Variants in ALK observed in about 807,000 individuals in gnomAD.
The protein encoded by ALK is ALK receptor tyrosine kinase, also known as ALK tyrosine kinase receptor.
ALK carries 74 observed loss-of-function variants against 163.1 expected under a neutral mutation model. The ratio of observed to expected loss-of-function variants is 0.45; its 90% confidence interval spans 0.38 to 0.55. The LOEUF (loss-of-function observed/expected upper bound fraction) is 0.55, where lower values mean the gene tolerates loss of function less well. Ranked by LOEUF, ALK falls within the 20% of genes least tolerant of loss-of-function variation. The pLI, the probability that ALK is intolerant of heterozygous loss-of-function variation, is 0.00. For synonymous variants in ALK, 960 were observed against 843.2 expected (o/e 1.14, Z -2.40); for missense variants, 2,063 against 2,105.3 (o/e 0.98, Z 0.39).
intron 4 of ALK, among the ~76,000 whole-genome samples, chr2:29,386,438 T>C (rs1669033201): frequency 1.3e-5 from 2 of 152,318 alleles, no homozygotes; most frequent in Middle Eastern, 3.4e-3. Context: ...AAACAAGTGG[T>C]TCTTAAGGAG....
At chr2:29,823,865 T>A (rs1665119986) in intron 1 of ALK, among the ~76,000 whole-genome samples, 1 of 152,230 alleles carries the variant, frequency 6.6e-6, no homozygotes, top group African/African-American at 2.4e-5. Flanking sequence ...GAAATTTGCA[T>A]AAGTAATAAG....
intron 4 of ALK, among the ~76,000 whole-genome samples, chr2:29,528,714 G>A (rs1392811061): frequency 6.6e-6 from 1 of 152,124 alleles, no homozygotes; most frequent in Non-Finnish European, 1.5e-5. Context: ...CACTGTGCGA[G>A]CCATTTTCCA....
intron 3 of ALK, among the ~76,000 whole-genome samples, chr2:29,638,680 C>G (rs944322875): frequency 3.3e-5 from 5 of 152,124 alleles, no homozygotes; most frequent in Non-Finnish European, 5.9e-5. Flanking sequence ...CATGGAGTGG[C>G]CTGTTTCTTG....
At position 29,211,661 on chromosome 2, in the gene ALK, G is replaced by C. The variant is rs112701391; in HGVS notation, c.3744-1783C>G. On this transcript the variant is annotated intron_variant, in intron 24 of 28. Coordinates refer to ENST00000389048, the MANE Select transcript of ALK (RefSeq NM_004304.5). ...ATCTTAAGAGCAGATAAAGGGTGGA[G>C]GGAGAGAGAGAATTCGAGGCAACTC... is the stretch of plus-strand genomic sequence containing the variant. Among the ~76,000 whole-genome samples, 360 of 152,360 alleles carry C rather than the reference G, an allele frequency of 2.4e-3. 2 individuals carry two copies. The highest frequency in any genetic ancestry group is 8.4e-3 in the African/African-American group (350 of 41,578).
chr2:29,883,255 A>G (rs2148419797), intron 1 of ALK, among the ~76,000 whole-genome samples: 1 of 152,354 alleles, frequency 6.6e-6, no homozygotes, highest in African/African-American at 2.4e-5. Context: ...CCAGCAACCA[A>G]GCCTGTGCTA....
chr2:29,204,253 T>A (rs1351172644), intron 26 of ALK, among the ~76,000 whole-genome samples: 1 of 152,240 alleles, frequency 6.6e-6, no homozygotes, highest in Non-Finnish European at 1.5e-5. Context: ...CATTATTGAC[T>A]AAAGCCCATA....
In ALK at chr2:29,636,333, GAAAGAAAGAAAAGA is replaced by G. The variant is rs1469199312; in HGVS notation, c.952+58503_952+58516del. Reference sequence around the variant, plus strand: ...TGGACATCCAGAGGCCAAAAATAAAGAAAGAAAGAAAAGAAAAGAAAAGAAAAGAAAAGAAAAGA... The same window carrying G: ...TGGACATCCAGAGGCCAAAAATAAAGAAAGAAAAGAAAAGAAAAGAAAAGA... On this transcript the variant is annotated intron_variant, in intron 3 of 28. Coordinates refer to ENST00000389048, the MANE Select transcript of ALK (RefSeq NM_004304.5). Among the ~76,000 whole-genome samples the G allele has an allele frequency of 9.6e-3, 1,278 of 132,840 alleles. 13 individuals carry two copies. The highest frequency in any genetic ancestry group is 0.034 in the African/African-American group (1,214 of 35,230). 87.1% of individuals were successfully genotyped at this position (132,840 alleles called of 152,430 possible). A position where few individuals can be genotyped will look rare whatever the true frequency, so the allele number is the denominator to read the frequency against.
At chr2:29,253,992 T>C (rs1664891253) in intron 11 of ALK, among the ~76,000 whole-genome samples, 1 of 152,146 alleles carries the variant, frequency 6.6e-6, no homozygotes, top group South Asian at 2.1e-4. Flanking sequence ...CAGATGGAGA[T>C]AATTGAATCA....
At chr2:29,555,402 G>A (rs1673824871) in intron 3 of ALK, among the ~76,000 whole-genome samples, 2 of 152,092 alleles carry the variant, frequency 1.3e-5, no homozygotes, top group Admixed American at 6.5e-5. Flanking sequence ...AGGCTGGGCT[G>A]CTGAAATTTA....
intron 4 of ALK, among the ~76,000 whole-genome samples, chr2:29,469,150 A>C (rs1671286658): frequency 6.6e-6 from 1 of 152,204 alleles, no homozygotes; most frequent in Non-Finnish European, 1.5e-5. Context: ...TTCCTAAAGG[A>C]AGCTGCTCTT....
rs925208069 is a variant in ALK, at chr2:29,706,843, C to G, written c.787+10735G>C. Among the ~76,000 whole-genome samples the G allele has an allele frequency of 4.5e-4, 69 of 152,158 alleles. 1 individual carries two copies. The highest frequency in any genetic ancestry group is 1.2e-4 in the Non-Finnish European group (8 of 68,032). On this transcript the variant is annotated intron_variant, in intron 2 of 28. Coordinates refer to ENST00000389048, the MANE Select transcript of ALK (RefSeq NM_004304.5). ...TTTTATAGATGGGAAAATTAAGGCT[C>G]AGAAGAGTGAAGGGACTTGGCCAAG...
At chr2:29,464,661 C>T (rs1276159821) in intron 4 of ALK, among the ~76,000 whole-genome samples, 5 of 151,824 alleles carry the variant, frequency 3.3e-5, no homozygotes, top group East Asian at 3.9e-4. Flanking sequence ...AACAGGGGCC[C>T]GTTTTTTACT....
rs912379093 is a variant in ALK at position 29,246,694 on chromosome 2, C to T, written c.2204+4411G>A. ...CCACATTCACTCAGTCCTCAACTTA[C>T]GCTGATCCCACCTCCTGAGCACCTC... On this transcript the variant is annotated intron_variant, in intron 12 of 28. Coordinates refer to ENST00000389048, the MANE Select transcript of ALK (RefSeq NM_004304.5). The surrounding 1 kb of genome is among the most constrained non-coding windows in gnomAD (Gnocchi z 4.3). Among the ~76,000 whole-genome samples the T allele has an allele frequency of 6.6e-6, 1 of 152,196 alleles. No individual in the cohort carries two copies. Among genetic ancestry groups the T allele is most frequent in the African/African-American group, 2.4e-5 (1 of 41,448 alleles).
intron 5 of ALK, among the ~76,000 whole-genome samples, chr2:29,357,592 C>G (rs544403142): frequency 6.6e-6 from 1 of 152,240 alleles, no homozygotes; most frequent in Non-Finnish European, 1.5e-5. Flanking sequence ...ATTCTGTCCT[C>G]CTGGTCATAG....
At position 29,432,374 on chromosome 2, in the gene ALK, G is replaced by C. The variant is rs186031581; in HGVS notation, c.1155-48515C>G. 2.2e-3 allele frequency among the ~76,000 whole-genome samples: 331 copies of C among 152,164 alleles called. 2 individuals are homozygous for C. Among genetic ancestry groups the C allele is most frequent in the African/African-American group, 7.5e-3 (312 of 41,508 alleles). ...CTCTCCCTTGCCATGTGATACGCAG[G>C]CTCCCCCGCCCCTTCTGCTATGACT... is the stretch of plus-strand genomic sequence containing the variant. On this transcript the variant is annotated intron_variant, in intron 4 of 28. Transcript: ENST00000389048.
At chr2:29,675,835 ATTATT>A (rs752618310) in intron 3 of ALK, among the ~76,000 whole-genome samples, 1 of 151,806 alleles carries the variant, frequency 6.6e-6, no homozygotes, top group Non-Finnish European at 1.5e-5. Context: ...GCTTTAGTGT[ATTATT>A]TTGTTTAATT....
At chr2:29,526,558 AAG>A (rs1437615045) in intron 4 of ALK, among the ~76,000 whole-genome samples, 1 of 152,228 alleles carries the variant, frequency 6.6e-6, no homozygotes, top group Non-Finnish European at 1.5e-5. Flanking sequence ...CATGGGGGAA[AAG>A]AGAGAAGCTG....
At chr2:29,389,215 T>C (rs920011397) in intron 4 of ALK, among the ~76,000 whole-genome samples, 12 of 152,170 alleles carry the variant, frequency 7.9e-5, no homozygotes, top group African/African-American at 2.4e-4. Flanking sequence ...TAAACATAGG[T>C]ACCAAGATTT....
chr2:29,771,451 A>G (rs1352752896), intron 1 of ALK, among the ~76,000 whole-genome samples: 1 of 152,194 alleles, frequency 6.6e-6, no homozygotes, highest in Non-Finnish European at 1.5e-5. Flanking sequence ...GAACTTCTCA[A>G]TAGTAATACC....
Sources: allele counts gnomAD v4.1 joint callset (sites outside exome capture counted in the v4.1 genomes callset), GRCh38; gene constraint gnomAD v4.1.1; non-coding constraint Gnocchi (gnomAD v3.1); transcripts MANE v1.5; gene names NCBI Gene and HGNC (gene_info 2026-07-23, HGNC 2026-07-21).